SEMA3A: variants seen among roughly 807,000 people sequenced by gnomAD.
SEMA3A encodes the protein semaphorin 3A, also known as semaphorin-3A.
In SEMA3A, 29 loss-of-function variants were observed where a neutral mutation model predicts 97.9. The ratio of observed to expected loss-of-function variants is 0.30; its 90% CI spans 0.22 to 0.40. The LOEUF is 0.40. Ranked by LOEUF, SEMA3A falls within the 10% of genes least tolerant of loss-of-function variation. The pLI, the probability that SEMA3A is intolerant of heterozygous loss-of-function variation, is 1.00. For missense variants in SEMA3A, 763 were observed against 951.3 expected, an observed-to-expected ratio of 0.80 and a Z score of 2.60; for synonymous variants, 321 against 323.7, an observed-to-expected ratio of 0.99 and a Z score of 0.09.
chr7:84,330,273 A>T (rs1801880507), intron 2 of SEMA3A, among the ~76,000 whole-genome samples: 1 of 152,040 alleles, frequency 6.6e-6, no homozygotes. Context: ...AATAGATCTC[A>T]TTATTAAGTA....
intron 1 of SEMA3A, among the ~76,000 whole-genome samples, chr7:84,184,035 A>G (rs1237913992): frequency 6.6e-6 from 1 of 152,196 alleles, no homozygotes; most frequent in Non-Finnish European, 1.5e-5. Context: ...AGTTGTGAAC[A>G]GAAGTATTGT....
At chr7:84,268,394 G>T (rs1438396704) in intron 3 of SEMA3A, among the ~76,000 whole-genome samples, 1 of 151,772 alleles carries the variant, frequency 6.6e-6, no homozygotes, top group Non-Finnish European at 1.5e-5. Flanking sequence ...CTCACCTCCA[G>T]CTTGGTAAAA....
intron 6 of SEMA3A, among the ~76,000 whole-genome samples, chr7:84,028,515 TAATTC>T (rs1270474839): frequency 6.6e-6 from 1 of 152,232 alleles, no homozygotes; most frequent in Non-Finnish European, 1.5e-5. Flanking sequence ...TAACATTTTA[TAATTC>T]AATAGAAAAC....
intron 14 of SEMA3A, 91 bp from the exon 15 acceptor site, chr7:83,977,287 T>G (rs1305605941): frequency 1.8e-6 from 1 of 563,440 alleles, no homozygotes; most frequent in East Asian, 3.3e-5. Context: ...AAAATATATA[T>G]ATATATATCA....
At chr7:84,449,426 T>A (rs1415486862) in intron 1 of SEMA3A, among the ~76,000 whole-genome samples, 3 of 151,884 alleles carry the variant, frequency 2.0e-5, no homozygotes, top group African/African-American at 7.3e-5. Context: ...CTAATTAGAC[T>A]AACCAAGAAG....
Position 84,167,717 on chromosome 7 carries a change from G to A in SEMA3A, c.112+26758C>T, listed in dbSNP as rs1797256806. The stretch of plus-strand genomic sequence containing the variant: ...CTTTTCTATGTTAGACAGATACACA[G>A]TTTGAGAATTCCCAATTTCTTCATT... On this transcript the variant is annotated intron_variant, in intron 1 of 16. Transcript: ENST00000265362. 2.0e-5 allele frequency among the ~76,000 whole-genome samples: 3 copies of A among 152,154 alleles called. No homozygotes were observed. In the South Asian group the frequency reaches 6.2e-4, roughly 32 times the overall value.
At chr7:84,129,096 A>G in intron 3 of SEMA3A, 27 bp downstream of exon 3, 1 of 1,545,552 alleles carries the variant, frequency 6.5e-7, no homozygotes, top group Non-Finnish European at 8.9e-7. Context: ...CTCAACCTGT[A>G]TAATAATTTA....
intron 12 of SEMA3A, among the ~76,000 whole-genome samples, chr7:84,000,506 T>G (rs542329807): frequency 6.6e-6 from 1 of 152,268 alleles, no homozygotes; most frequent in Non-Finnish European, 1.5e-5. Flanking sequence ...ATATTAACAA[T>G]GACATTTTGA....
intron 1 of SEMA3A, among the ~76,000 whole-genome samples, chr7:84,177,911 T>C (rs947393371): frequency 3.9e-5 from 6 of 152,138 alleles, no homozygotes; most frequent in Non-Finnish European, 5.9e-5. Flanking sequence ...TATCTTGTCA[T>C]CTTGCTCTTT....
intron 4 of SEMA3A, among the ~76,000 whole-genome samples, chr7:84,102,297 C>T (rs1319632733): frequency 8.5e-5 from 13 of 152,092 alleles, no homozygotes. Context: ...AAGAGAGTTT[C>T]TTGACTTATT....
At chr7:84,359,264 T>C (rs1802650352) in intron 2 of SEMA3A, among the ~76,000 whole-genome samples, 3 of 152,106 alleles carry the variant, frequency 2.0e-5, no homozygotes, top group African/African-American at 7.2e-5. Flanking sequence ...AGTATGATAT[T>C]GGCTGTGGGT....
In SEMA3A at chr7:84,091,138, AGG is replaced by A. The variant is rs1393334691; in HGVS notation, c.453+19330_453+19331del. ...AGAAAGAAAAAGAAAGAAAGAAAGAAGGAAGGAAGGAAGGAAGGAAGGAAGGA... is the reference window on the plus strand; with the variant it reads ...AGAAAGAAAAAGAAAGAAAGAAAGAAAAGGAAGGAAGGAAGGAAGGAAGGA... On this transcript the variant is annotated intron_variant, in intron 4 of 16. Coordinates refer to ENST00000265362, the MANE Select transcript of SEMA3A (RefSeq NM_006080.3). Among the ~76,000 whole-genome samples, 181 of 23,246 alleles carry A rather than the reference AGG, an allele frequency of 7.8e-3. 5 individuals carry two copies. The highest frequency in any genetic ancestry group is 0.014 in the South Asian group (10 of 720). 15.3% of individuals were successfully genotyped at this position (23,246 alleles called of 152,430 possible).
chr7:83,991,682 G>T (rs1474410944), intron 12 of SEMA3A, among the ~76,000 whole-genome samples: 1 of 151,672 alleles, frequency 6.6e-6, no homozygotes, highest in Non-Finnish European at 1.5e-5. Context: ...ACTTGTTCAT[G>T]GTGGATAAGC....
intron 1 of SEMA3A, among the ~76,000 whole-genome samples, chr7:84,166,881 CAAAAAAAAA>C (rs11476617): frequency 3.5e-5 from 3 of 85,534 alleles, no homozygotes; most frequent in African/African-American, 9.2e-5. Context: ...TCCTCTGTCT[CAAAAAAAAA>C]AAAAAAAAAA....
intron 1 of SEMA3A, among the ~76,000 whole-genome samples, chr7:84,445,065 A>G (rs964222101): frequency 6.6e-6 from 1 of 152,136 alleles, no homozygotes; most frequent in African/African-American, 2.4e-5. Context: ...GTTTTGACAT[A>G]ACAAATTAAT....
At chr7:84,249,947 T>C (rs1799567794) in intron 3 of SEMA3A, among the ~76,000 whole-genome samples, 1 of 151,028 alleles carries the variant, frequency 6.6e-6, no homozygotes, top group African/African-American at 2.4e-5. Flanking sequence ...TTTTTTTTAC[T>C]CTGAGACTGG....
intron 4 of SEMA3A, among the ~76,000 whole-genome samples, chr7:84,096,047 T>C (rs1794762000): frequency 1.3e-5 from 2 of 152,088 alleles, no homozygotes; most frequent in African/African-American, 4.8e-5. Context: ...TTATTGAATG[T>C]TACTAATAAG....
intron 6 of SEMA3A, among the ~76,000 whole-genome samples, chr7:84,030,001 T>G (rs1417133909): frequency 6.6e-6 from 1 of 152,088 alleles, no homozygotes; most frequent in East Asian, 1.9e-4. Context: ...TAAAAGAAAA[T>G]TAAGTGGAAT....
rs576278459 is a variant in SEMA3A at position 84,347,360 on chromosome 7, C to A, written c.-169+24464G>T. Among the ~76,000 whole-genome samples the A allele has an allele frequency of 2.7e-5, 4 of 150,652 alleles. No homozygotes were observed. In the South Asian group the frequency reaches 6.3e-4, roughly 24 times the overall value. Reference sequence around the variant, plus strand: ...GATATATTCATAAAATGAGGCACTACTTAGCAATAATAAGAACAGCTTACA... The same window carrying A: ...GATATATTCATAAAATGAGGCACTAATTAGCAATAATAAGAACAGCTTACA... On this transcript the variant is annotated intron_variant, in intron 2 of 3. Transcript: ENST00000424555.
Sources: gnomAD v4.1 joint callset for allele counts (sites outside exome capture counted in the v4.1 genomes callset) on GRCh38, gnomAD v4.1.1 for gene constraint, MANE v1.5 for transcripts, NCBI Gene and HGNC (gene_info 2026-07-23, HGNC 2026-07-21) for gene names.